Variants in SPTSSB observed in about 807,000 individuals in gnomAD.
SPTSSB encodes the protein androgen down regulated in mouse prostate.
SPTSSB carries 6 observed loss-of-function variants against 7.7 expected under a neutral mutation model. The observed-to-expected ratio is 0.78, with a 90% CI of 0.43 to 1.54. The LOEUF (loss-of-function observed/expected upper bound fraction) is 1.54, where lower values mean the gene tolerates loss of function less well. Ranked by LOEUF, SPTSSB falls within the 40% of genes most tolerant of loss-of-function variation. SPTSSB has a pLI of 0.01. For missense variants in SPTSSB, 91 were observed against 93.0 expected, an observed-to-expected ratio of 0.98 and a Z score of 0.09; for synonymous variants, 28 against 29.7, an observed-to-expected ratio of 0.94 and a Z score of 0.19.
chr3:161,350,432 A>G (rs1714475580), intron 2 of SPTSSB, among the ~76,000 whole-genome samples: 1 of 152,202 alleles, frequency 6.6e-6, no homozygotes, highest in Non-Finnish European at 1.5e-5. Context: ...CATCAGAATC[A>G]GGGACTGAAC....
At position 161,345,108 on chromosome 3, in the gene SPTSSB, T is replaced by C. The variant is rs572074670; in HGVS notation, c.*985A>G. The C allele has an allele frequency of 7.9e-5, 12 of 152,776 alleles. No individual in the cohort carries two copies. Among genetic ancestry groups the C allele is most frequent in the African/African-American group, 2.9e-4 (12 of 41,596 alleles). 9.5% of individuals were successfully genotyped at this position (152,776 alleles called of 1,614,324 possible). A position where few individuals can be genotyped will look rare whatever the true frequency, so the allele number is the denominator to read the frequency against. ...CTTCAGCAGTATAATTAAAACCTTA[T>C]ATTTGTTTTAAAGATAAACAGTTTG... On this transcript the variant is annotated 3_prime_UTR_variant, in exon 3 of 3. Coordinates refer to ENST00000620149, the MANE Select transcript of SPTSSB (RefSeq NM_001040100.2).
At chr3:161,358,337 G>A (rs538859736) in intron 2 of SPTSSB, among the ~76,000 whole-genome samples, 2 of 152,180 alleles carry the variant, frequency 1.3e-5, no homozygotes, top group Non-Finnish European at 1.5e-5. Flanking sequence ...ACGGTGAAGT[G>A]GTTACAAGCT....
At chr3:161,366,485 G>C (rs1560108018) in intron 1 of SPTSSB, among the ~76,000 whole-genome samples, 2 of 152,150 alleles carry the variant, frequency 1.3e-5, no homozygotes, top group African/African-American at 4.8e-5. Flanking sequence ...CAGGGGAAGA[G>C]AGAAATTAAC....
At chr3:161,352,105 C>G (rs1714568235) in intron 2 of SPTSSB, among the ~76,000 whole-genome samples, 1 of 152,204 alleles carries the variant, frequency 6.6e-6, no homozygotes, top group Admixed American at 6.5e-5. Context: ...TAAACTGCTG[C>G]TAGAATTAAC....
intron 2 of SPTSSB, among the ~76,000 whole-genome samples, chr3:161,354,069 T>C (rs1714663312): frequency 6.6e-6 from 1 of 152,244 alleles, no homozygotes. Flanking sequence ...CATAGGGCAA[T>C]TAAGGAACTT....
rs1451442881 is a variant in SPTSSB at position 161,345,256 on chromosome 3, C to T, written c.*837G>A. ...TCCAGCCTATTTATTAGCTTGTCTT[C>T]CGGTGGCCCAATACATGCTTTTTTC... On this transcript the variant is annotated 3_prime_UTR_variant, in exon 3 of 3. Coordinates refer to ENST00000620149, the MANE Select transcript of SPTSSB (RefSeq NM_001040100.2). 6.6e-6 allele frequency: 1 copy of T among 152,474 alleles called. No homozygotes were observed. The highest frequency in any genetic ancestry group is 6.6e-5 in the Admixed American group (1 of 15,254). The allele number at this position is 152,474 out of a possible 1,614,324, so 9.4% of individuals were successfully genotyped here. A position where few individuals can be genotyped will look rare whatever the true frequency, so the allele number is the denominator to read the frequency against.
At chr3:161,363,302 A>G (rs978602782) in intron 1 of SPTSSB, among the ~76,000 whole-genome samples, 5 of 151,666 alleles carry the variant, frequency 3.3e-5, no homozygotes, top group African/African-American at 1.2e-4. Flanking sequence ...GTCTCTAGAA[A>G]TAGTACAGTT....
chr3:161,348,771 G>A (rs1012518861), intron 2 of SPTSSB, among the ~76,000 whole-genome samples: 4 of 152,094 alleles, frequency 2.6e-5, no homozygotes, highest in Non-Finnish European at 5.9e-5. Flanking sequence ...AGTGTCTCTT[G>A]AAAACACTGA....
At position 161,365,452 on chromosome 3, in the gene SPTSSB, GGA is replaced by G. The variant is rs758096572; in HGVS notation, c.-125-5560_-125-5559del. On this transcript the variant is annotated intron_variant, in intron 1 of 2. Coordinates refer to ENST00000620149, the MANE Select transcript of SPTSSB (RefSeq NM_001040100.2). The stretch of plus-strand genomic sequence containing the variant: ...GAAGAAGACTCTAATCCAGTCTGGA[GGA>G]GGTGTCAGGTCGGCAAATCAGAAAG... 2.0e-5 allele frequency among the ~76,000 whole-genome samples: 3 copies of G among 152,236 alleles called. No homozygotes were observed. In the East Asian group the frequency reaches 5.8e-4, roughly 29 times the overall value.
At chr3:161,368,505 C>G (rs1194272871) in intron 1 of SPTSSB, among the ~76,000 whole-genome samples, 2 of 150,938 alleles carry the variant, frequency 1.3e-5, no homozygotes, top group Non-Finnish European at 3.0e-5. Context: ...CGGCTCACTG[C>G]AAGCTCCGCC....
chr3:161,357,573 G>A (rs555945351), intron 2 of SPTSSB, among the ~76,000 whole-genome samples: 61 of 152,274 alleles, frequency 4.0e-4, no homozygotes, highest in African/African-American at 1.3e-3. Context: ...GATATTAGCC[G>A]CCCAAAACCT....
Position 161,371,422 on chromosome 3 carries a change from G to A in SPTSSB, c.-126+13C>T, listed in dbSNP as rs1715503835. On this transcript the variant is annotated intron_variant, in intron 1 of 2. Transcript: ENST00000620149. ...ACTTAACAGTTCAAGTAGGTATTTT[G>A]GAAGATGCTTACCTCCCAGTTGGGT... The A allele has an allele frequency of 1.0e-6, 1 of 985,254 alleles. No homozygotes were observed. Among genetic ancestry groups the A allele is most frequent in the South Asian group, 4.7e-5 (1 of 21,286 alleles). The allele number at this position is 985,254 out of a possible 1,614,324, so 61.0% of individuals were successfully genotyped here.
intron 1 of SPTSSB, among the ~76,000 whole-genome samples, chr3:161,370,372 A>C (rs1457496465): frequency 6.6e-6 from 1 of 152,230 alleles, no homozygotes; most frequent in Non-Finnish European, 1.5e-5. Flanking sequence ...TGAGAGTGAC[A>C]GTACATTTCA....
intron 1 of SPTSSB, among the ~76,000 whole-genome samples, chr3:161,370,285 A>G (rs781526439): frequency 1.5e-4 from 23 of 152,140 alleles, no homozygotes; most frequent in Non-Finnish European, 2.9e-4. Context: ...GTCGAATTCT[A>G]GAATGACCAT....
At chr3:161,369,290 C>CT (rs1560108914) in intron 1 of SPTSSB, among the ~76,000 whole-genome samples, 1 of 76,662 alleles carries the variant, frequency 1.3e-5, no homozygotes, top group African/African-American at 7.1e-5. Context: ...TCTTTCTTTT[C>CT]TTTCTTTCTT....
At position 161,344,878 on chromosome 3, in the gene SPTSSB, GT is replaced by G. The variant is rs1036172154; in HGVS notation, c.*1214del. 1 of 152,488 alleles carries G rather than the reference GT, an allele frequency of 6.6e-6. No individual in the cohort carries two copies. The allele number at this position is 152,488 out of a possible 1,614,324, so 9.4% of individuals were successfully genotyped here. Reference sequence around the variant, plus strand: ...TGGTTTCTCTTCAAAACATGTGTTTGTTTTTTTAACAAACATGCAAGTTAAT... The same window carrying G: ...TGGTTTCTCTTCAAAACATGTGTTTGTTTTTTAACAAACATGCAAGTTAAT... On this transcript the variant is annotated 3_prime_UTR_variant, in exon 3 of 3. Transcript: ENST00000620149.
chr3:161,369,329 T>TTTCC (rs1715384435), intron 1 of SPTSSB, among the ~76,000 whole-genome samples: 1 of 103,110 alleles, frequency 9.7e-6, no homozygotes, highest in Non-Finnish European at 1.9e-5. Context: ...TCTTTCTTTC[T>TTTCC]TTCTTTCTTT....
rs1714155182 is a variant in SPTSSB at position 161,345,203 on chromosome 3, G to A, written c.*890C>T. On this transcript the variant is annotated 3_prime_UTR_variant, in exon 3 of 3. Transcript: ENST00000620149. ...TATATCAAAGCATTTAACTGGAGCT[G>A]TTGAGTTCCTGCTGGTAGAATATTA... The A allele has an allele frequency of 6.6e-6, 1 of 152,586 alleles. No homozygotes were observed. Among genetic ancestry groups the A allele is most frequent in the Admixed American group, 6.6e-5 (1 of 15,264 alleles). The allele number at this position is 152,586 out of a possible 1,614,324, so 9.5% of individuals were successfully genotyped here.
intron 1 of SPTSSB, among the ~76,000 whole-genome samples, chr3:161,364,679 T>G (rs1425628053): frequency 6.6e-6 from 1 of 151,002 alleles, no homozygotes; most frequent in African/African-American, 2.4e-5. Flanking sequence ...ATATATATAA[T>G]ATATATTTAT....
Sources: gnomAD v4.1 joint callset for allele counts (sites outside exome capture counted in the v4.1 genomes callset) on GRCh38, gnomAD v4.1.1 for gene constraint, MANE v1.5 for transcripts, NCBI Gene and HGNC (gene_info 2026-07-23, HGNC 2026-07-21) for gene names.